Variants in GYPC observed in about 807,000 individuals in gnomAD.
GYPC encodes the protein glycophorin-C.
A neutral mutation model predicts 12.6 loss-of-function variants in GYPC; 14 were observed. That is an observed-to-expected ratio of 1.11 (90% CI 0.74 to 1.74). GYPC has a LOEUF of 1.74. GYPC is among the 40% of genes most tolerant of loss of function. The pLI, the probability that GYPC is intolerant of heterozygous loss-of-function variation, is 0.00. For synonymous variants in GYPC, 78 were observed against 62.1 expected (o/e 1.26, Z -1.20); for missense variants, 225 against 172.1 (o/e 1.31, Z -1.72).
chr2:126,690,135 C>T, intron 1 of GYPC, 120 bp from the exon 2 acceptor site: 1 of 778,720 alleles, frequency 1.3e-6, no homozygotes, highest in Admixed American at 1.8e-5. Flanking sequence ...CTGTCTCTGT[C>T]CACTTGAACC....
intron 1 of GYPC, among the ~76,000 whole-genome samples, chr2:126,677,937 A>G (rs1159974896): frequency 6.6e-6 from 1 of 152,206 alleles, no homozygotes; most frequent in Non-Finnish European, 1.5e-5. Context: ...AATGTCCCCC[A>G]TCGGCCGGGT....
intron 1 of GYPC, among the ~76,000 whole-genome samples, chr2:126,665,482 G>A (rs1682652049): frequency 6.6e-6 from 1 of 152,224 alleles, no homozygotes; most frequent in Admixed American, 6.5e-5. Flanking sequence ...AGGTAAGGGG[G>A]AACCACCGAT....
chr2:126,674,417 G>A (rs1004811949), intron 1 of GYPC, among the ~76,000 whole-genome samples: 1 of 151,364 alleles, frequency 6.6e-6, no homozygotes, highest in African/African-American at 2.4e-5. Flanking sequence ...AGGCTTCTGG[G>A]GGCTATGGGC....
chr2:126,656,338 C>A, intron 1 of GYPC, 26 bp downstream of exon 1: 1 of 1,573,200 alleles, frequency 6.4e-7, no homozygotes, highest in Non-Finnish European at 8.6e-7. Flanking sequence ...GGGGAAGGGT[C>A]CTGGGGACCC....
chr2:126,681,206 A>T (rs1404134515), intron 1 of GYPC, among the ~76,000 whole-genome samples: 1 of 152,256 alleles, frequency 6.6e-6, no homozygotes, highest in East Asian at 1.9e-4. Flanking sequence ...CTTTGTTTTA[A>T]GGTTTTTGTG....
intron 1 of GYPC, among the ~76,000 whole-genome samples, chr2:126,685,388 TTC>T (rs1272544046): frequency 7.4e-6 from 1 of 134,248 alleles, no homozygotes; most frequent in African/African-American, 2.8e-5. Flanking sequence ...TTTTCTTTCT[TTC>T]TTTTTTTTTT....
At chr2:126,694,809 G>GAT (rs397762748) in intron 3 of GYPC, among the ~76,000 whole-genome samples, 2 of 146,758 alleles carry the variant, frequency 1.4e-5, no homozygotes, top group African/African-American at 5.2e-5. Context: ...AGAAAAGACA[G>GAT]GCTTGCTCTG....
intron 1 of GYPC, among the ~76,000 whole-genome samples, chr2:126,687,955 A>G (rs992169848): frequency 1.3e-5 from 2 of 152,214 alleles, no homozygotes; most frequent in African/African-American, 4.8e-5. Context: ...GGCTAAACAC[A>G]CTGACTCAAG....
At chr2:126,675,290 C>T (rs557814414) in intron 1 of GYPC, among the ~76,000 whole-genome samples, 1 of 152,330 alleles carries the variant, frequency 6.6e-6, no homozygotes, top group South Asian at 2.1e-4. Flanking sequence ...GAATCTGAGA[C>T]ACATCTTAAT....
chr2:126,678,375 T>C (rs917572197), intron 1 of GYPC: 17 of 152,422 alleles, frequency 1.1e-4, no homozygotes, highest in African/African-American at 4.1e-4. Context: ...GTACAGTGTA[T>C]ACACTACCCA....
At position 126,671,451 on chromosome 2, in the gene GYPC, G is replaced by A. The variant is rs934913092; in HGVS notation, c.49+15139G>A. On this transcript the variant is annotated intron_variant, in intron 1 of 3. Transcript: ENST00000259254. ...GAGCACAGGGGAGCAACCTCTCCAC[G>A]CACGGGGCCAGGTGTCAGCTGTGCA... Among the ~76,000 whole-genome samples, 7 of 152,264 alleles carry A rather than the reference G, an allele frequency of 4.6e-5. No homozygotes were observed. The South Asian group carries it at 6.2e-4, about 13-fold the overall frequency.
rs538257437 is a variant in GYPC, at chr2:126,672,470, G to A, written c.49+16158G>A. On this transcript the variant is annotated intron_variant, in intron 1 of 3. Coordinates refer to ENST00000259254, the MANE Select transcript of GYPC (RefSeq NM_002101.5). ...ACACAGAGGCCAGCTTTCAGAGCCTGTCTGAAATTGTCAGATGTATCTTTC... is the reference window on the plus strand; with the variant it reads ...ACACAGAGGCCAGCTTTCAGAGCCTATCTGAAATTGTCAGATGTATCTTTC... Among the ~76,000 whole-genome samples the A allele has an allele frequency of 2.6e-5, 4 of 152,318 alleles. No homozygotes were observed. In the South Asian group the frequency reaches 6.2e-4, roughly 24 times the overall value.
chr2:126,693,155 T>C (rs1441255255), intron 2 of GYPC, among the ~76,000 whole-genome samples: 1 of 152,248 alleles, frequency 6.6e-6, no homozygotes, highest in Non-Finnish European at 1.5e-5. Flanking sequence ...GGCAGATCCC[T>C]CATGCATACA....
chr2:126,693,838 C>T lies in GYPC; in HGVS notation c.107-26C>T, dbSNP rs779263082. ...GGCATGGAGAATCTTCCTCTCTGAC[C>T]TCAGATTCTTGTCCTCTGTTCACAG... On this transcript the variant is annotated intron_variant, in intron 2 of 3. Coordinates refer to ENST00000259254, the MANE Select transcript of GYPC (RefSeq NM_002101.5). 4.0e-6 allele frequency: 6 copies of T among 1,508,364 alleles called. No individual in the cohort carries two copies. Among genetic ancestry groups the T allele is most frequent in the Non-Finnish European group, 5.5e-6 (6 of 1,083,272 alleles). 93.4% of individuals were successfully genotyped at this position (1,508,364 alleles called of 1,614,324 possible). A position where few individuals can be genotyped will look rare whatever the true frequency, so the allele number is the denominator to read the frequency against.
At chr2:126,662,273 C>T (rs374915527) in intron 1 of GYPC, among the ~76,000 whole-genome samples, 4 of 152,334 alleles carry the variant, frequency 2.6e-5, no homozygotes, top group Admixed American at 1.3e-4. Flanking sequence ...CTGTATTCAC[C>T]GGGCAACAGG....
chr2:126,657,274 G>A (rs1682389073), intron 1 of GYPC, among the ~76,000 whole-genome samples: 1 of 152,208 alleles, frequency 6.6e-6, no homozygotes, highest in South Asian at 2.1e-4. Flanking sequence ...CACTCCATGT[G>A]CCTGTGGTTG....
intron 3 of GYPC, among the ~76,000 whole-genome samples, chr2:126,695,150 A>T (rs1382287018): frequency 6.6e-6 from 1 of 152,124 alleles, no homozygotes; most frequent in Admixed American, 6.5e-5. Flanking sequence ...CACAAACCAC[A>T]CAACCTTCCC....
chr2:126,656,486 C>T (rs1682360237), intron 1 of GYPC, among the ~76,000 whole-genome samples, 174 bp downstream of exon 1: 1 of 152,196 alleles, frequency 6.6e-6, no homozygotes, highest in African/African-American at 2.4e-5. Context: ...GGTTCCCCGG[C>T]GCCTGGGCTG....
intron 1 of GYPC, among the ~76,000 whole-genome samples, chr2:126,663,368 C>T (rs867825737): frequency 6.6e-6 from 1 of 152,318 alleles, no homozygotes; most frequent in South Asian, 2.1e-4. Context: ...GTCAGCACTG[C>T]GGTGGAGACA....
Sources: allele counts gnomAD v4.1 joint callset (sites outside exome capture counted in the v4.1 genomes callset), GRCh38; gene constraint gnomAD v4.1.1; transcripts MANE v1.5; gene names NCBI Gene and HGNC (gene_info 2026-07-23, HGNC 2026-07-21).